The following CDH18 variants were observed in gnomAD, a reference collection of about 807,000 sequenced individuals.
The protein encoded by CDH18 is cadherin 18.
Under a neutral mutation model 67.9 loss-of-function variants are expected in CDH18, and 31 were observed. That is an observed-to-expected ratio of 0.46 (90% CI 0.34 to 0.62). The LOEUF is 0.62. Ranked by LOEUF, CDH18 falls within the 20% of genes least tolerant of loss-of-function variation. CDH18 has a pLI of 0.01. For missense variants in CDH18, 890 were observed against 975.5 expected, an observed-to-expected ratio of 0.91 and a Z score of 1.17; for synonymous variants, 362 against 347.2, an observed-to-expected ratio of 1.04 and a Z score of -0.48.
At chr5:19,507,228 T>C (rs1312459907) in intron 10 of CDH18, among the ~76,000 whole-genome samples, 1 of 152,076 alleles carries the variant, frequency 6.6e-6, no homozygotes, top group East Asian at 1.9e-4. Flanking sequence ...CCAGTTAGAA[T>C]GGTGATCATT....
chr5:20,531,257 G>C (rs1756381133), intron 1 of CDH18, among the ~76,000 whole-genome samples: 1 of 152,122 alleles, frequency 6.6e-6, no homozygotes, highest in South Asian at 2.1e-4. Context: ...TGGTGAGGTT[G>C]TGGAAAAATA....
Position 19,591,209 on chromosome 5 carries a change from C to T in CDH18, c.847G>A (p.Val283Ile). The T allele has an allele frequency of 6.2e-7, 1 of 1,612,042 alleles. No homozygotes were observed. Among genetic ancestry groups the T allele is most frequent in the Non-Finnish European group, 8.5e-7 (1 of 1,178,912 alleles). Residue 283 changes from valine (V) to isoleucine (I), a missense_variant, in exon 7 of 13, where the codon GTT (valine) becomes ATT (isoleucine). Physicochemically the swap from Val to Ile is conservative, Grantham distance 29. Transcript: ENST00000382275. ...YQLYVPESAQVGSAVGKIKAN... is the reference protein window; with the variant it reads ...YQLYVPESAQIGSAVGKIKAN... ...TTGATTTTCCCAACAGCTGAACCAA[C>T]TTGAGCTGACTCAGGAACATATAGC...
At chr5:19,844,042 T>G (rs1170920968) in intron 2 of CDH18, among the ~76,000 whole-genome samples, 1 of 152,208 alleles carries the variant, frequency 6.6e-6, no homozygotes, top group Non-Finnish European at 1.5e-5. Flanking sequence ...TTTGATTTTA[T>G]AGGCTCCTAG....
intron 1 of CDH18, among the ~76,000 whole-genome samples, chr5:20,334,331 G>A (rs1041802215): frequency 1.3e-5 from 2 of 150,742 alleles, no homozygotes; most frequent in African/African-American, 4.9e-5. Flanking sequence ...TAGAGACGGG[G>A]TTTCACCGTG....
At chr5:19,840,658 T>C (rs1408230581) in intron 2 of CDH18, among the ~76,000 whole-genome samples, 1 of 151,968 alleles carries the variant, frequency 6.6e-6, no homozygotes, top group African/African-American at 2.4e-5. Context: ...GCAGAGATCA[T>C]GCCATTGTAC....
intron 2 of CDH18, among the ~76,000 whole-genome samples, chr5:20,176,132 A>T (rs1737213964): frequency 1.3e-5 from 2 of 152,272 alleles, no homozygotes; most frequent in South Asian, 2.1e-4. Context: ...TGAGGAACAC[A>T]GAAGGACCAC....
chr5:20,264,023 C>T (rs1323843823), intron 1 of CDH18, among the ~76,000 whole-genome samples: 1 of 151,980 alleles, frequency 6.6e-6, no homozygotes, highest in Non-Finnish European at 1.5e-5. Flanking sequence ...CTTTTTCAAT[C>T]TAAATATTTA....
chr5:19,823,830 A>G (rs995210786), intron 3 of CDH18, among the ~76,000 whole-genome samples: 1 of 152,192 alleles, frequency 6.6e-6, no homozygotes, highest in Non-Finnish European at 1.5e-5. Context: ...GCTTGGTCAT[A>G]AAGCAAGTCT....
intron 5 of CDH18, among the ~76,000 whole-genome samples, chr5:19,719,954 AAAG>A (rs1554014245): frequency 6.6e-6 from 1 of 151,696 alleles, no homozygotes; most frequent in African/African-American, 2.4e-5. Context: ...AGAAAGAAAG[AAAG>A]AAGGAAAGAG....
At chr5:19,638,987 T>TTTTTTTTTG in intron 5 of CDH18, among the ~76,000 whole-genome samples, 1 of 84,564 alleles carries the variant, frequency 1.2e-5, no homozygotes, top group African/African-American at 5.0e-5. Flanking sequence ...GTTTTTTTTT[T>TTTTTTTTTG]TTTTTTTTTT....
intron 1 of CDH18, among the ~76,000 whole-genome samples, chr5:20,450,902 G>C (rs926575282): frequency 6.6e-6 from 1 of 152,142 alleles, no homozygotes; most frequent in African/African-American, 2.4e-5. Flanking sequence ...GCAAAGTCAC[G>C]TCTTACATGG....
chr5:19,627,591 T>C (rs1205356020), intron 5 of CDH18, among the ~76,000 whole-genome samples: 1 of 152,228 alleles, frequency 6.6e-6, no homozygotes, highest in Non-Finnish European at 1.5e-5. Context: ...TCAAGAGTAA[T>C]ATATATTCTA....
intron 2 of CDH18, among the ~76,000 whole-genome samples, chr5:19,962,304 A>T (rs2150308364): frequency 6.6e-6 from 1 of 151,186 alleles, no homozygotes; most frequent in African/African-American, 2.4e-5. Flanking sequence ...ATTTACAAAC[A>T]TTTAATAAAT....
chr5:19,823,754 C>T (rs1182738670), intron 3 of CDH18, among the ~76,000 whole-genome samples: 1 of 152,108 alleles, frequency 6.6e-6, no homozygotes, highest in African/African-American at 2.4e-5. Flanking sequence ...AAATATTTCA[C>T]CCAACAACCA....
intron 1 of CDH18, among the ~76,000 whole-genome samples, chr5:19,982,000 C>G (rs1437006557): frequency 6.6e-6 from 1 of 152,150 alleles, no homozygotes; most frequent in Non-Finnish European, 1.5e-5. Context: ...AAACAGATGG[C>G]AACCTCCATG....
intron 1 of CDH18, among the ~76,000 whole-genome samples, chr5:20,463,035 C>T (rs1429709983): frequency 6.6e-6 from 1 of 152,050 alleles, no homozygotes; most frequent in Non-Finnish European, 1.5e-5. Flanking sequence ...TCACTTTGTT[C>T]GAACATGGCT....
intron 2 of CDH18, among the ~76,000 whole-genome samples, chr5:20,010,753 A>G (rs1341965056): frequency 6.6e-6 from 1 of 152,088 alleles, no homozygotes; most frequent in Non-Finnish European, 1.5e-5. Context: ...CTATGTTTAC[A>G]TGTTGGAGTT....
intron 1 of CDH18, among the ~76,000 whole-genome samples, chr5:20,268,372 T>C (rs999082601): frequency 6.6e-6 from 1 of 151,760 alleles, no homozygotes; most frequent in African/African-American, 2.4e-5. Context: ...TATTTTCCAA[T>C]TTAAATGTCA....
chr5:20,284,074 G>A (rs1459408959), intron 1 of CDH18, among the ~76,000 whole-genome samples: 4 of 152,006 alleles, frequency 2.6e-5, no homozygotes, highest in Non-Finnish European at 5.9e-5. Flanking sequence ...TGGAGATGGA[G>A]AGTAGAATGA....
Sources: gnomAD v4.1 joint callset for allele counts (sites outside exome capture counted in the v4.1 genomes callset) on GRCh38, gnomAD v4.1.1 for gene constraint, MANE v1.5 for transcripts, NCBI Gene and HGNC (gene_info 2026-07-23, HGNC 2026-07-21) for gene names.